Variants in ZSCAN31 observed in about 807,000 individuals in gnomAD.
ZSCAN31 encodes the protein zinc finger and SCAN domain containing 31.
In ZSCAN31, 14 loss-of-function variants were observed where a neutral mutation model predicts 22.5. That is an observed-to-expected ratio of 0.62 (90% CI 0.41 to 0.97). The LOEUF (loss-of-function observed/expected upper bound fraction) is 0.97. Among genes scored for constraint, ZSCAN31 ranks in the 50% least tolerant of loss-of-function variants. The probability of loss-of-function intolerance (pLI) is 0.00; values close to 1 mark genes in which losing one functional copy is unlikely to be tolerated. For synonymous variants in ZSCAN31, 168 were observed against 169.8 expected, an observed-to-expected ratio of 0.99 and a Z score of 0.08; for missense variants, 424 against 483.4, an observed-to-expected ratio of 0.88 and a Z score of 1.15.
chr6:28,326,825 A>C lies in ZSCAN31; in HGVS notation c.562T>G (p.Leu188Val). Residue 188 changes from leucine to valine, a missense_variant, in exon 4 of 4, where the codon TTG becomes GTG. Physicochemically the swap from Leu to Val is conservative, Grantham distance 32. Coordinates refer to ENST00000344279, the MANE Select transcript of ZSCAN31 (RefSeq NM_030899.5). ...DGESIPENQE[L>V]ASKQEILKEM... ...TTTAAGATTTCTTGCTTTGATGCCA[A>C]CTCCTGGTTCTCAGGTATACTTTCA... 6.2e-7 allele frequency: 1 copy of C among 1,612,088 alleles called. No individual in the cohort carries two copies. The highest frequency in any genetic ancestry group is 1.1e-5 in the South Asian group (1 of 91,078).
Position 28,324,888 on chromosome 6 carries a change from A to G in ZSCAN31, c.*1278T>C, listed in dbSNP as rs1370647229. 1 of 152,190 alleles carries G rather than the reference A, an allele frequency of 6.6e-6. No individual in the cohort carries two copies. The highest frequency in any genetic ancestry group is 1.5e-5 in the Non-Finnish European group (1 of 68,030). 9.4% of individuals were successfully genotyped at this position (152,190 alleles called of 1,614,324 possible). A position where few individuals can be genotyped will look rare whatever the true frequency, so the allele number is the denominator to read the frequency against. ...ACATGATACTTAAAATTCTACCTAC[A>G]TTTGTTAAATGCTATTATTTCGTAT... On this transcript the variant is annotated 3_prime_UTR_variant, in exon 4 of 4. Transcript: ENST00000344279. This position sits in a 1 kb window ranked among gnomAD's most constrained non-coding sequence, Gnocchi z 4.8.
In ZSCAN31 at chr6:28,329,373, G is replaced by T; in HGVS notation, c.311C>A (p.Pro104Gln). 1.9e-6 allele frequency: 3 copies of T among 1,613,870 alleles called. No homozygotes were observed. Among genetic ancestry groups the T allele is most frequent in the Non-Finnish European group, 2.5e-6 (3 of 1,179,888 alleles). Residue 104 changes from proline to glutamine, a missense_variant, in exon 2 of 4, where the codon CCG becomes CAG. Physicochemically the swap from Pro to Gln is moderately conservative, Grantham distance 76. Coordinates refer to ENST00000344279, the MANE Select transcript of ZSCAN31 (RefSeq NM_030899.5). ...ELQAWVREHH[P>Q]ESGEEAVAVV... Reference sequence around the variant, plus strand: ...AGCCACAGCCTCCTCCCCACTCTCCGGATGGTGCTCCCGCACCCAGGCCTG... The same window carrying T: ...AGCCACAGCCTCCTCCCCACTCTCCTGATGGTGCTCCCGCACCCAGGCCTG...
At chr6:28,340,559 C>A (rs529476958), upstream of ZSCAN31, among the ~76,000 whole-genome samples, 1 of 152,318 alleles carries the variant, frequency 6.6e-6, no homozygotes, top group East Asian at 1.9e-4. Flanking sequence ...CCTGAGGTCT[C>A]CCCAGCCATG....
rs867438472 is a variant in ZSCAN31 at position 28,347,794 on chromosome 6, A to G, written c.-370-6002T>C. Among the ~76,000 whole-genome samples, 1 of 152,216 alleles carries G rather than the reference A, an allele frequency of 6.6e-6. No individual in the cohort carries two copies. The highest frequency in any genetic ancestry group is 1.5e-5 in the Non-Finnish European group (1 of 68,046). Reference sequence around the variant, plus strand: ...TGTGTGTATCATTTTCAGGTTTACCATATATTTCAACTTTACTATATATTT... The same window carrying G: ...TGTGTGTATCATTTTCAGGTTTACCGTATATTTCAACTTTACTATATATTT... On this transcript the variant is annotated intron_variant, in intron 2 of 7. Transcript: ENST00000396838. This position sits in a 1 kb window ranked among gnomAD's most constrained non-coding sequence, Gnocchi z 5.2.
chr6:28,329,826 G>T, intron 1 of ZSCAN31, 48 bp from the exon 2 acceptor site: 1 of 958,302 alleles, frequency 1.0e-6, no homozygotes. Flanking sequence ...ATAAAGTAGT[G>T]GGGAAAAAAG....
At chr6:28,329,906 C>T (rs1234554033) in intron 1 of ZSCAN31, 128 bp from the exon 2 acceptor site, 1 of 496,104 alleles carries the variant, frequency 2.0e-6, no homozygotes, top group Non-Finnish European at 3.4e-6. Flanking sequence ...TACTGACTTA[C>T]ATATGTTTAG....
intron 2 of ZSCAN31, among the ~76,000 whole-genome samples, chr6:28,345,014 A>G (rs889386068): frequency 3.3e-5 from 5 of 151,482 alleles, no homozygotes; most frequent in Admixed American, 3.3e-4. Context: ...GCATGGTGGC[A>G]TGTACCTGTA....
chr6:28,354,371 C>A (rs1296922731), upstream of ZSCAN31, among the ~76,000 whole-genome samples: 9 of 152,244 alleles, frequency 5.9e-5, no homozygotes, highest in Non-Finnish European at 1.2e-4. Context: ...CTATTCTTGA[C>A]CAAAGCACAT....
intron 2 of ZSCAN31, among the ~76,000 whole-genome samples, chr6:28,329,045 G>A (rs374003183): frequency 7.2e-4 from 110 of 152,230 alleles, no homozygotes; most frequent in South Asian, 1.9e-3. Context: ...ACATGGTAAA[G>A]AACTAAGACC....
Position 28,326,047 on chromosome 6 carries a change from G to T in ZSCAN31, c.*119C>A. The T allele has an allele frequency of 3.3e-6, 3 of 921,026 alleles. No homozygotes were observed. Among genetic ancestry groups the T allele is most frequent in the Non-Finnish European group, 3.3e-6 (2 of 607,936 alleles). 57.1% of individuals were successfully genotyped at this position (921,026 alleles called of 1,614,324 possible). A position where few individuals can be genotyped will look rare whatever the true frequency, so the allele number is the denominator to read the frequency against. ...CTTGAAAATCTTACTTTCCAAGACG[G>T]CCCCATTTAGGGGTCTGAGGGTCCA... On this transcript the variant is annotated 3_prime_UTR_variant, in exon 4 of 4. Coordinates refer to ENST00000344279, the MANE Select transcript of ZSCAN31 (RefSeq NM_030899.5).
In ZSCAN31 at chr6:28,326,813, G is replaced by C. The variant is rs1290349572; in HGVS notation, c.574C>G (p.Gln192Glu). ...IPENQELASK[Q>E]EILKEMEHLG... The stretch of plus-strand genomic sequence containing the variant: ...TGTTCCATTTCTTTTAAGATTTCTT[G>C]CTTTGATGCCAACTCCTGGTTCTCA... The change falls in exon 4 of 4, where the codon CAA (glutamine) becomes GAA (glutamate). Residue 192 changes from glutamine (Q) to glutamate (E), a missense_variant. By Grantham distance (29) the Gln-to-Glu change is conservative. Transcript: ENST00000344279. 6.2e-7 allele frequency: 1 copy of C among 1,612,608 alleles called. No homozygotes were observed. Among genetic ancestry groups the C allele is most frequent in the African/African-American group, 1.3e-5 (1 of 74,982 alleles).
rs897453288 is a variant in ZSCAN31, at chr6:28,349,938, G to A, written c.-371+3924C>T. On this transcript the variant is annotated intron_variant, in intron 2 of 7. Transcript: ENST00000396838. The surrounding 1 kb of genome is among the most constrained non-coding windows in gnomAD (Gnocchi z 4.1). ...AAGTGGCTTCTGTGCCCCGCCCTGC[G>A]GGTGGTTTGCTAGTTTCAAGCACTT... 6.6e-6 allele frequency: 1 copy of A among 152,228 alleles called. No homozygotes were observed. The highest frequency in any genetic ancestry group is 2.4e-5 in the African/African-American group (1 of 41,450). The allele number at this position is 152,228 out of a possible 1,614,324, so 9.4% of individuals were successfully genotyped here.
Position 28,351,519 on chromosome 6 carries a change from A to G in ZSCAN31, c.-371+2343T>C, listed in dbSNP as rs144825086. 4.8e-3 allele frequency among the ~76,000 whole-genome samples: 738 copies of G among 152,294 alleles called. 4 individuals are homozygous for G. The highest frequency in any genetic ancestry group is 7.1e-3 in the Non-Finnish European group (484 of 68,018). ...TTTAAACACATTTAATTGTAGAGAG[A>G]ATGTTACAATGAACACCAATATAAC... On this transcript the variant is annotated intron_variant, in intron 2 of 7. Transcript: ENST00000396838. The surrounding 1 kb of genome is among the most constrained non-coding windows in gnomAD (Gnocchi z 4.6).
At chr6:28,332,542 T>C (rs986595988) in intron 1 of ZSCAN31, 2 of 152,204 alleles carry the variant, frequency 1.3e-5, no homozygotes, top group Admixed American at 6.5e-5. Flanking sequence ...AGGTAACGCA[T>C]ATAAAAAGCT....
chr6:28,326,222 TAAAG>T lies in ZSCAN31; in HGVS notation c.1161_1164del (p.Phe388ValfsTer48). Reference sequence around the variant, plus strand: ...TGTTTCTTAAGAAGTGTCCGCTTACTAAAGAGTTTACTGCACTGACTGCACTGAT... The same window carrying T: ...TGTTTCTTAAGAAGTGTCCGCTTACTAGTTTACTGCACTGACTGCACTGAT... On this transcript the variant is annotated frameshift_variant, in exon 4 of 4. Coordinates refer to ENST00000344279, the MANE Select transcript of ZSCAN31 (RefSeq NM_030899.5). LOFTEE classifies it low-confidence loss of function (END_TRUNC). The T allele has an allele frequency of 6.2e-7, 1 of 1,613,996 alleles. No homozygotes were observed. Among genetic ancestry groups the T allele is most frequent in the Non-Finnish European group, 8.5e-7 (1 of 1,179,900 alleles).
At position 28,331,001 on chromosome 6, in the gene ZSCAN31, C is replaced by A. The variant is rs1334092173; in HGVS notation, c.-95-1223G>T. Among the ~76,000 whole-genome samples the A allele has an allele frequency of 6.6e-6, 1 of 152,018 alleles. No homozygotes were observed. The highest frequency in any genetic ancestry group is 1.5e-5 in the Non-Finnish European group (1 of 68,008). ...CACACACAATGGCGATAAAGACAGG[C>A]AAAGCTGAACTATAGAATATGGGTT... On this transcript the variant is annotated intron_variant, in intron 1 of 3. Coordinates refer to ENST00000344279, the MANE Select transcript of ZSCAN31 (RefSeq NM_030899.5). This position sits in a 1 kb window ranked among gnomAD's most constrained non-coding sequence, Gnocchi z 4.8.
chr6:28,336,986 G>T (rs1230463789), upstream of ZSCAN31: 4 of 152,152 alleles, frequency 2.6e-5, no homozygotes, highest in Non-Finnish European at 5.9e-5. Flanking sequence ...TAAAACAGAC[G>T]TGCATGTGAA....
At chr6:28,342,512 G>T (rs927974019) in intron 2 of ZSCAN31, among the ~76,000 whole-genome samples, 2 of 152,190 alleles carry the variant, frequency 1.3e-5, no homozygotes, top group African/African-American at 4.8e-5. Context: ...ATCTACCAAA[G>T]TTGCAGTAGG....
At chr6:28,340,347 C>T (rs190309907), upstream of ZSCAN31, among the ~76,000 whole-genome samples, 4 of 152,172 alleles carry the variant, frequency 2.6e-5, no homozygotes, top group Admixed American at 6.5e-5. Flanking sequence ...TCCCATAATC[C>T]CCACATGTGG....
Sources: gnomAD v4.1 joint callset for allele counts (sites outside exome capture counted in the v4.1 genomes callset) on GRCh38, gnomAD v4.1.1 for gene constraint, Gnocchi (gnomAD v3.1) non-coding constraint, MANE v1.5 for transcripts, NCBI Gene and HGNC (gene_info 2026-07-23, HGNC 2026-07-21) for gene names.